The following WNT6 variants were observed in gnomAD, a reference collection of about 807,000 sequenced individuals.
The protein encoded by WNT6 is Wnt family member 6.
WNT6 carries 27 observed loss-of-function variants against 33.1 expected under a neutral mutation model. The observed-to-expected ratio is 0.82, with a 90% confidence interval of 0.60 to 1.12. The LOEUF (loss-of-function observed/expected upper bound fraction) is 1.12, where lower values mean the gene tolerates loss of function less well. Ranked by LOEUF, WNT6 falls within the 50% of genes most tolerant of loss-of-function variation. WNT6 has a pLI of 0.00. For missense variants in WNT6, 494 were observed against 535.3 expected, an observed-to-expected ratio of 0.92 and a Z score of 0.76; for synonymous variants, 249 against 242.8, an observed-to-expected ratio of 1.03 and a Z score of -0.24.
Position 218,871,769 on chromosome 2 carries a change from G to T in WNT6, c.586G>T (p.Gly196Ter). 6.2e-7 allele frequency: 1 copy of T among 1,601,900 alleles called. No individual in the cohort carries two copies. Among genetic ancestry groups the T allele is most frequent in the South Asian group, 1.1e-5 (1 of 90,304 alleles). ...FMDARHKRGRGDIRALVQLHN... is the reference protein window; with the variant it reads ...FMDARHKRGR ...GGACGCGCGGCACAAGCGGGGACGCGGAGACATCCGCGCGTTGGTGCAACT... is the reference window on the plus strand; with the variant it reads ...GGACGCGCGGCACAAGCGGGGACGCTGAGACATCCGCGCGTTGGTGCAACT... The change falls in exon 3 of 4, where the codon GGA becomes TGA. Residue 196 changes from glycine (G) to a stop codon, truncating the protein, a stop_gained. Transcript: ENST00000233948. LOFTEE classifies it high-confidence loss of function. The surrounding 1 kb of genome is among the most constrained non-coding windows in gnomAD (Gnocchi z 6.4).
At chr2:218,863,092 C>T (rs899741387) in intron 1 of WNT6, among the ~76,000 whole-genome samples, 41 of 152,296 alleles carry the variant, frequency 2.7e-4, no homozygotes, top group African/African-American at 9.4e-4. Flanking sequence ...CTCCTGAGCT[C>T]TCCCCACCCT....
At position 218,871,856 on chromosome 2, in the gene WNT6, ATG is replaced by A; in HGVS notation, c.636+40_636+41del. The A allele has an allele frequency of 6.6e-7, 1 of 1,509,712 alleles. No homozygotes were observed. The highest frequency in any genetic ancestry group is 8.9e-7 in the Non-Finnish European group (1 of 1,124,486). The allele number at this position is 1,509,712 out of a possible 1,614,324, so 93.5% of individuals were successfully genotyped here. On this transcript the variant is annotated intron_variant, in intron 3 of 3. Coordinates refer to ENST00000233948, the MANE Select transcript of WNT6 (RefSeq NM_006522.4). The surrounding 1 kb of genome is among the most constrained non-coding windows in gnomAD (Gnocchi z 6.4). ...CAGGATGGAGTGAGTGTGTGCGGAA[ATG>A]TGAGTGTGCGCGCAGGAGTGTGCTT...
rs1034394582 is a variant in WNT6 at position 218,873,663 on chromosome 2, C to T, written c.916C>T (p.Arg306Cys). 2 of 1,582,230 alleles carry T rather than the reference C, an allele frequency of 1.3e-6. No individual in the cohort carries two copies. The highest frequency in any genetic ancestry group is 1.7e-6 in the Non-Finnish European group (2 of 1,171,574). ...CCGACGCACCGGCTCCCCCGGCACG[C>T]GCGGTCGCGCCTGCAATAGCAGCGC... ...PNRRTGSPGT[R>C]GRACNSSAPD... Residue 306 changes from arginine to cysteine, a missense_variant, in exon 4 of 4, where the codon CGC becomes TGC. Transcript: ENST00000233948. The surrounding 1 kb of genome is among the most constrained non-coding windows in gnomAD (Gnocchi z 6.1).
In WNT6 at chr2:218,873,880, C is replaced by G; in HGVS notation, c.*35C>G. Reference sequence around the variant, plus strand: ...CGGCCGCTAGACTGACTTCGCGCAGCGGTGGCTCGCACCTGTGGGACCTCA... The same window carrying G: ...CGGCCGCTAGACTGACTTCGCGCAGGGGTGGCTCGCACCTGTGGGACCTCA... On this transcript the variant is annotated 3_prime_UTR_variant, in exon 4 of 4. Transcript: ENST00000233948. The surrounding 1 kb of genome is among the most constrained non-coding windows in gnomAD (Gnocchi z 6.1). 7.1e-7 allele frequency: 1 copy of G among 1,412,416 alleles called. No homozygotes were observed. Among genetic ancestry groups the G allele is most frequent in the Non-Finnish European group, 9.2e-7 (1 of 1,088,530 alleles). The allele number at this position is 1,412,416 out of a possible 1,614,324, so 87.5% of individuals were successfully genotyped here. A position where few individuals can be genotyped will look rare whatever the true frequency, so the allele number is the denominator to read the frequency against.
In WNT6 at chr2:218,873,901, C is replaced by A; in HGVS notation, c.*56C>A. Reference sequence around the variant, plus strand: ...GCAGCGGTGGCTCGCACCTGTGGGACCTCAGGGCACCGGCACCGGGCGCCT... The same window carrying A: ...GCAGCGGTGGCTCGCACCTGTGGGAACTCAGGGCACCGGCACCGGGCGCCT... On this transcript the variant is annotated 3_prime_UTR_variant, in exon 4 of 4. Coordinates refer to ENST00000233948, the MANE Select transcript of WNT6 (RefSeq NM_006522.4). This position sits in a 1 kb window ranked among gnomAD's most constrained non-coding sequence, Gnocchi z 6.1. 1 of 1,385,716 alleles carries A rather than the reference C, an allele frequency of 7.2e-7. No individual in the cohort carries two copies. The allele number at this position is 1,385,716 out of a possible 1,614,324, so 85.8% of individuals were successfully genotyped here. A position where few individuals can be genotyped will look rare whatever the true frequency, so the allele number is the denominator to read the frequency against.
Position 218,871,379 on chromosome 2 carries a change from C to A in WNT6, c.302-106C>A, listed in dbSNP as rs976142863. The A allele has an allele frequency of 6.7e-7, 1 of 1,486,788 alleles. No homozygotes were observed. The allele number at this position is 1,486,788 out of a possible 1,614,324, so 92.1% of individuals were successfully genotyped here. Reference sequence around the variant, plus strand: ...CATGTGTCTGGGCACCCTGCAAGGACCCTGCCTCCCAGGCCCCTGGGGCAG... The same window carrying A: ...CATGTGTCTGGGCACCCTGCAAGGAACCTGCCTCCCAGGCCCCTGGGGCAG... On this transcript the variant is annotated intron_variant, in intron 2 of 3. Transcript: ENST00000233948. This position sits in a 1 kb window ranked among gnomAD's most constrained non-coding sequence, Gnocchi z 6.4.
At chr2:218,866,312 T>C (rs1217263966) in intron 1 of WNT6, among the ~76,000 whole-genome samples, 2 of 152,102 alleles carry the variant, frequency 1.3e-5, no homozygotes, top group Non-Finnish European at 2.9e-5. Flanking sequence ...TGGGCTGTGA[T>C]CCCTTTGGCC....
At position 218,873,605 on chromosome 2, in the gene WNT6, C is replaced by T. The variant is rs1201852919; in HGVS notation, c.858C>T (p.Tyr286=). Residue 286 remains tyrosine (Y), a synonymous_variant, in exon 4 of 4, where the codon TAC becomes TAT. Coordinates refer to ENST00000233948, the MANE Select transcript of WNT6 (RefSeq NM_006522.4). The surrounding 1 kb of genome is among the most constrained non-coding windows in gnomAD (Gnocchi z 6.1). ...CGCCGGGCCGAGCGGACCTCCTCTA[C>T]GCCGCCGATTCGCCCGACTTCTGCG... ...LKPPGRADLL[Y]AADSPDFCAP... The T allele has an allele frequency of 5.8e-6, 9 of 1,561,232 alleles. No individual in the cohort carries two copies. The highest frequency in any genetic ancestry group is 1.7e-4 in the Middle Eastern group (1 of 5,992).
In WNT6 at chr2:218,871,504, C is replaced by T. The variant is rs747402701; in HGVS notation, c.321C>T (p.Phe107=). 1 of 1,597,660 alleles carries T rather than the reference C, an allele frequency of 6.3e-7. No homozygotes were observed. Among genetic ancestry groups the T allele is most frequent in the Non-Finnish European group, 8.5e-7 (1 of 1,179,370 alleles). ...TCACAGACATTCGGGAGACGGCCTT[C>T]GTGTTCGCCATCACTGCGGCCGGCG... is the stretch of plus-strand genomic sequence containing the variant. ...ILQQDIRETA[F]VFAITAAGAS... The change falls in exon 3 of 4, where the codon TTC becomes TTT. Residue 107 remains phenylalanine, a synonymous_variant. Transcript: ENST00000233948. This position sits in a 1 kb window ranked among gnomAD's most constrained non-coding sequence, Gnocchi z 6.4.
At chr2:218,864,188 G>A (rs1369189160) in intron 1 of WNT6, among the ~76,000 whole-genome samples, 1 of 152,224 alleles carries the variant, frequency 6.6e-6, no homozygotes, top group African/African-American at 2.4e-5. Flanking sequence ...GTAGTAAAGA[G>A]CTCACTCTCA....
At chr2:218,861,571 C>T (rs1944310538) in intron 1 of WNT6, among the ~76,000 whole-genome samples, 1 of 151,928 alleles carries the variant, frequency 6.6e-6, no homozygotes, top group Non-Finnish European at 1.5e-5. Flanking sequence ...GCCAGGGTCC[C>T]CAGGAGTGAA....
intron 1 of WNT6, among the ~76,000 whole-genome samples, chr2:218,866,204 T>C (rs1224983774): frequency 6.6e-6 from 1 of 151,820 alleles, no homozygotes; most frequent in Admixed American, 6.5e-5. Flanking sequence ...CTCTGCTGGC[T>C]TGTGGGAGGT....
chr2:218,861,191 A>AT (rs1944307503), intron 1 of WNT6, among the ~76,000 whole-genome samples: 1 of 152,116 alleles, frequency 6.6e-6, no homozygotes, highest in East Asian at 1.9e-4. Flanking sequence ...AGGGAGTAGG[A>AT]TGCCCACACA....
chr2:218,872,939 G>A (rs566934374), intron 3 of WNT6, among the ~76,000 whole-genome samples: 2 of 152,280 alleles, frequency 1.3e-5, no homozygotes, highest in African/African-American at 4.8e-5. Flanking sequence ...GACGGAGACA[G>A]ATGCCCAGGA....
intron 1 of WNT6, among the ~76,000 whole-genome samples, chr2:218,864,886 G>A (rs1157315077): frequency 1.3e-5 from 2 of 152,246 alleles, no homozygotes; most frequent in Non-Finnish European, 2.9e-5. Context: ...CCCCTGCTGA[G>A]CTCCAGGGTG....
At chr2:218,870,895 G>A in intron 1 of WNT6, 132 bp from the exon 2 acceptor site, 4 of 789,450 alleles carry the variant, frequency 5.1e-6, no homozygotes, top group Non-Finnish European at 8.2e-6. Context: ...ACAATCTCAA[G>A]CTCAGTTTGG....
Position 218,867,313 on chromosome 2 carries a change from G to T in WNT6, c.81-3714G>T, listed in dbSNP as rs1390341376. Among the ~76,000 whole-genome samples, 1 of 152,318 alleles carries T rather than the reference G, an allele frequency of 6.6e-6. No individual in the cohort carries two copies. Among genetic ancestry groups the T allele is most frequent in the East Asian group, 1.9e-4 (1 of 5,190 alleles). On this transcript the variant is annotated intron_variant, in intron 1 of 3. Transcript: ENST00000233948. The surrounding 1 kb of genome is among the most constrained non-coding windows in gnomAD (Gnocchi z 4.9). ...CATCTGCATAACGAGGGTGAAGTGG[G>T]TGGGGCTGAACTGGGTGATCTCTGA...
rs1944360636 is a variant in WNT6, at chr2:218,867,174, A to G, written c.81-3853A>G. Among the ~76,000 whole-genome samples the G allele has an allele frequency of 6.6e-6, 1 of 152,204 alleles. No individual in the cohort carries two copies. Among genetic ancestry groups the G allele is most frequent in the Non-Finnish European group, 1.5e-5 (1 of 68,032 alleles). On this transcript the variant is annotated intron_variant, in intron 1 of 3. Coordinates refer to ENST00000233948, the MANE Select transcript of WNT6 (RefSeq NM_006522.4). The surrounding 1 kb of genome is among the most constrained non-coding windows in gnomAD (Gnocchi z 4.9). Reference sequence around the variant, plus strand: ...GGGAGGCCACTGGAAGTCTTCTGATATCTCACGTGCCCATTTCCCTCCAGC... The same window carrying G: ...GGGAGGCCACTGGAAGTCTTCTGATGTCTCACGTGCCCATTTCCCTCCAGC...
chr2:218,871,805 G>C lies in WNT6; in HGVS notation c.622G>C (p.Glu208Gln). 6.3e-7 allele frequency: 1 copy of C among 1,590,820 alleles called. No homozygotes were observed. The highest frequency in any genetic ancestry group is 1.1e-5 in the South Asian group (1 of 89,084). Residue 208 changes from glutamate (E) to glutamine (Q), a missense_variant, in exon 3 of 4, where the codon GAG becomes CAG. Physicochemically the swap from Glu to Gln is conservative, Grantham distance 29 (BLOSUM62 2). Coordinates refer to ENST00000233948, the MANE Select transcript of WNT6 (RefSeq NM_006522.4). The surrounding 1 kb of genome is among the most constrained non-coding windows in gnomAD (Gnocchi z 6.4). Reference sequence around the variant, plus strand: ...CGCGTTGGTGCAACTGCACAACAACGAGGCGGGCAGGCTGGTGCGTACGGG... The same window carrying C: ...CGCGTTGGTGCAACTGCACAACAACCAGGCGGGCAGGCTGGTGCGTACGGG... ...IRALVQLHNN[E>Q]AGRLAVRSHT...
Sources: gnomAD v4.1 joint callset for allele counts (sites outside exome capture counted in the v4.1 genomes callset) on GRCh38, gnomAD v4.1.1 for gene constraint, Gnocchi (gnomAD v3.1) non-coding constraint, MANE v1.5 for transcripts, NCBI Gene and HGNC (gene_info 2026-07-23, HGNC 2026-07-21) for gene names.